KCNH7: variants seen among roughly 807,000 people sequenced by gnomAD.
The protein encoded by KCNH7 is voltage-gated inwardly rectifying potassium channel KCNH7.
Under a neutral mutation model 120.8 loss-of-function variants are expected in KCNH7, and 49 were observed. The observed-to-expected ratio is 0.41, with a 90% CI of 0.32 to 0.51. The LOEUF (loss-of-function observed/expected upper bound fraction) is 0.51, where lower values mean the gene tolerates loss of function less well. Ranked by LOEUF, KCNH7 falls within the 20% of genes least tolerant of loss-of-function variation. The pLI is 0.38. For synonymous variants in KCNH7, 547 were observed against 516.1 expected, an observed-to-expected ratio of 1.06 and a Z score of -0.81; for missense variants, 1,097 against 1,446.6, an observed-to-expected ratio of 0.76 and a Z score of 3.92.
At chr2:162,790,309 T>C (rs751822796) in intron 2 of KCNH7, among the ~76,000 whole-genome samples, 3 of 151,620 alleles carry the variant, frequency 2.0e-5, no homozygotes, top group Admixed American at 1.3e-4. Flanking sequence ...AACAGAATAA[T>C]AACTAATCAG....
intron 6 of KCNH7, among the ~76,000 whole-genome samples, chr2:162,459,009 A>ATAATAATAATAT (rs1689064642): frequency 2.2e-5 from 3 of 138,248 alleles, no homozygotes; most frequent in African/African-American, 7.9e-5. Context: ...CTGTTTCAAA[A>ATAATAATAATAT]TAATAATAAT....
intron 12 of KCNH7, among the ~76,000 whole-genome samples, chr2:162,386,624 T>C (rs1432516772): frequency 6.6e-6 from 1 of 151,974 alleles, no homozygotes; most frequent in Non-Finnish European, 1.5e-5. Context: ...TTCTACACTT[T>C]TGTGGAGTGT....
intron 2 of KCNH7, among the ~76,000 whole-genome samples, chr2:162,604,014 T>C (rs983105951): frequency 6.6e-6 from 1 of 152,126 alleles, no homozygotes; most frequent in African/African-American, 2.4e-5. Flanking sequence ...CATGGTGTTT[T>C]AATTGCTCTT....
At chr2:162,728,328 G>C (rs920191783) in intron 2 of KCNH7, among the ~76,000 whole-genome samples, 1 of 152,070 alleles carries the variant, frequency 6.6e-6, no homozygotes, top group Admixed American at 6.6e-5. Context: ...CAAAGATTTT[G>C]CCTGTAAAAT....
chr2:162,546,091 A>G (rs1484948218), intron 2 of KCNH7, among the ~76,000 whole-genome samples: 1 of 152,230 alleles, frequency 6.6e-6, no homozygotes, highest in Non-Finnish European at 1.5e-5. Context: ...TCTGACGCAT[A>G]AATCAGAGGC....
At chr2:162,832,057 G>A (rs1055591082) in intron 2 of KCNH7, among the ~76,000 whole-genome samples, 45 of 151,538 alleles carry the variant, frequency 3.0e-4, no homozygotes, top group African/African-American at 1.1e-3. Flanking sequence ...AAGTCCATGA[G>A]ATGATATAAA....
chr2:162,835,199 G>A (rs562948882), intron 2 of KCNH7, among the ~76,000 whole-genome samples: 2 of 152,094 alleles, frequency 1.3e-5, no homozygotes, highest in South Asian at 2.1e-4. Context: ...TGTTTGATAC[G>A]TATACTATTG....
At chr2:162,558,892 A>G (rs1372473653) in intron 2 of KCNH7, among the ~76,000 whole-genome samples, 2 of 151,612 alleles carry the variant, frequency 1.3e-5, no homozygotes, top group African/African-American at 4.8e-5. Flanking sequence ...TGTCTCTACT[A>G]AAAATGCAAA....
At chr2:162,593,444 T>C (rs1694279246) in intron 2 of KCNH7, among the ~76,000 whole-genome samples, 2 of 152,038 alleles carry the variant, frequency 1.3e-5, no homozygotes, top group African/African-American at 4.8e-5. Flanking sequence ...GTCTAGTCCT[T>C]GTCAAATCTT....
intron 2 of KCNH7, among the ~76,000 whole-genome samples, chr2:162,680,133 G>T (rs1387170382): frequency 6.1e-5 from 9 of 147,856 alleles, no homozygotes; most frequent in Admixed American, 3.4e-4. Context: ...AGCAGAAAAA[G>T]AAGCAATTTT....
chr2:162,445,764 T>C (rs56703090), intron 7 of KCNH7, among the ~76,000 whole-genome samples: 32 of 152,326 alleles, frequency 2.1e-4, no homozygotes, highest in African/African-American at 7.2e-4. Context: ...CTGTGTGCTA[T>C]GGACCACTTG....
rs1684799985 is a variant in KCNH7 at position 162,657,339 on chromosome 2, G to A, written c.308-120259C>T. Reference sequence around the variant, plus strand: ...TCTTCCCCCTTTCCCTGAGCCCTTTGCAACCACCGATTGTTTGACTTTCTT... The same window carrying A: ...TCTTCCCCCTTTCCCTGAGCCCTTTACAACCACCGATTGTTTGACTTTCTT... On this transcript the variant is annotated intron_variant, in intron 2 of 15. Transcript: ENST00000332142. 1.3e-5 allele frequency among the ~76,000 whole-genome samples: 2 copies of A among 152,220 alleles called. 1 individual carries two copies. Among genetic ancestry groups the A allele is most frequent in the South Asian group, 4.2e-4 (2 of 4,806 alleles).
intron 14 of KCNH7, among the ~76,000 whole-genome samples, chr2:162,375,960 AG>A: frequency 6.6e-6 from 1 of 152,188 alleles, no homozygotes; most frequent in Admixed American, 6.5e-5. Context: ...TGCTTTACTC[AG>A]GAGGAATTAC....
intron 2 of KCNH7, among the ~76,000 whole-genome samples, chr2:162,708,847 C>A (rs1686814089): frequency 6.6e-6 from 1 of 151,992 alleles, no homozygotes; most frequent in Admixed American, 6.6e-5. Context: ...TGCAGAATAC[C>A]AGATGACACA....
intron 2 of KCNH7, among the ~76,000 whole-genome samples, chr2:162,624,288 A>G (rs1239566145): frequency 6.6e-6 from 1 of 152,086 alleles, no homozygotes; most frequent in African/African-American, 2.4e-5. Context: ...ATCACATATC[A>G]TCACAAGAGG....
At chr2:162,654,176 T>C (rs1168281242) in intron 2 of KCNH7, among the ~76,000 whole-genome samples, 1 of 147,072 alleles carries the variant, frequency 6.8e-6, no homozygotes, top group East Asian at 2.0e-4. Flanking sequence ...AGCTCATACA[T>C]AACAAAGGAA....
At chr2:162,702,441 G>A (rs889499601) in intron 2 of KCNH7, among the ~76,000 whole-genome samples, 3 of 152,068 alleles carry the variant, frequency 2.0e-5, no homozygotes, top group Non-Finnish European at 4.4e-5. Context: ...TCAATATAAT[G>A]CGTTATCACT....
intron 2 of KCNH7, among the ~76,000 whole-genome samples, chr2:162,567,957 T>C (rs1034700165): frequency 1.3e-5 from 2 of 152,050 alleles, no homozygotes; most frequent in African/African-American, 2.4e-5. Flanking sequence ...GCAGAAGATG[T>C]ATTAGTCCAT....
At chr2:162,795,000 G>T (rs991684288) in intron 2 of KCNH7, among the ~76,000 whole-genome samples, 4 of 151,866 alleles carry the variant, frequency 2.6e-5, no homozygotes, top group Non-Finnish European at 5.9e-5. Flanking sequence ...GCTATTCATT[G>T]CAGTCTTAAC....
Sources: allele counts gnomAD v4.1 joint callset (sites outside exome capture counted in the v4.1 genomes callset), GRCh38; gene constraint gnomAD v4.1.1; transcripts MANE v1.5; gene names NCBI Gene and HGNC (gene_info 2026-07-23, HGNC 2026-07-21).